Variants in HDX observed in about 807,000 individuals in gnomAD.
HDX encodes highly divergent homeobox, also known as chromosome X open reading frame 43.
HDX carries 19 observed loss-of-function variants against 45.2 expected under a neutral mutation model. The observed-to-expected ratio is 0.42, with a 90% CI of 0.29 to 0.62. HDX has a LOEUF of 0.62. Ranked by LOEUF, HDX falls within the 20% of genes least tolerant of loss-of-function variation. The pLI is 0.20. For missense variants in HDX, 532 were observed against 493.9 expected (o/e 1.08, Z -0.73); for synonymous variants, 188 against 172.8 (o/e 1.09, Z -0.69).
chrX:84,442,487 G>C (rs1463952244), intron 4 of HDX, among the ~76,000 whole-genome samples: 2 of 111,025 alleles, frequency 1.8e-5, no homozygotes, highest in African/African-American at 6.5e-5. Flanking sequence ...TTTTACTCAA[G>C]ATAAAATACT....
At position 84,427,336 on chromosome X, in the gene HDX, A is replaced by T. The variant is rs375341831; in HGVS notation, c.1305+13196T>A. Among the ~76,000 whole-genome samples the T allele has an allele frequency of 2.7e-5, 3 of 111,108 alleles. No homozygotes were observed. The East Asian group carries it at 8.5e-4, about 31-fold the overall frequency. ...GTTTAATTAACATACAATAAATTGC[A>T]TATATTTAATCTGTACAATTAGATG... On this transcript the variant is annotated intron_variant, in intron 5 of 10. Transcript: ENST00000373177.
chrX:84,351,057 T>C (rs1005201818), intron 6 of HDX, among the ~76,000 whole-genome samples: 2 of 109,806 alleles, frequency 1.8e-5, no homozygotes, highest in Non-Finnish European at 3.8e-5. Context: ...CTATCTATCA[T>C]CTATCTATCT....
chrX:84,461,047 G>T (rs2040226519), intron 4 of HDX, among the ~76,000 whole-genome samples: 1 of 111,319 alleles, frequency 9.0e-6, no homozygotes, highest in Non-Finnish European at 1.9e-5. Context: ...AGAACTGATA[G>T]TCCAAGCTCA....
In HDX at chrX:84,385,196, C is replaced by CTTTTTTT. The variant is rs146043472; in HGVS notation, c.1306-23591_1306-23585dup. On this transcript the variant is annotated intron_variant, in intron 5 of 10. Coordinates refer to ENST00000373177, the MANE Select transcript of HDX (RefSeq NM_001177479.2). ...CATATATTTGTGTCATCTCTGATTT[C>CTTTTTTT]TTTTTTTTTTTTTTTTTTTTTTTTT... Among the ~76,000 whole-genome samples the CTTTTTTT allele has an allele frequency of 6.1e-4, 18 of 29,536 alleles. 3 individuals carry two copies. The highest frequency in any genetic ancestry group is 2.1e-3 in the African/African-American group (13 of 6,284). The allele number at this position is 29,536 out of a possible 115,157, so 25.6% of individuals were successfully genotyped here.
chrX:84,374,910 A>C (rs12862724), intron 5 of HDX, among the ~76,000 whole-genome samples: 26,569 of 95,163 alleles, frequency 0.28, 4,234 homozygotes, highest in Middle Eastern at 0.5. Context: ...TAATTAAACT[A>C]AAGAGCTTCT....
intron 2 of HDX, among the ~76,000 whole-genome samples, chrX:84,484,677 C>T (rs1005411678): frequency 1.8e-5 from 2 of 111,914 alleles, no homozygotes. Flanking sequence ...TCCACATTCT[C>T]GCCAACATCT....
rs1381208595 is a variant in HDX, at chrX:84,454,950, G to C, written c.1251+13522C>G. Among the ~76,000 whole-genome samples, 5 of 110,753 alleles carry C rather than the reference G, an allele frequency of 4.5e-5. No individual in the cohort carries two copies. In the South Asian group the frequency reaches 2.0e-3, roughly 44 times the overall value. On this transcript the variant is annotated intron_variant, in intron 4 of 10. Coordinates refer to ENST00000373177, the MANE Select transcript of HDX (RefSeq NM_001177479.2). ...CTTGGTAATCCAGATGGTTCTTCTG[G>C]ATCTTATCCAAGACCACTGAGGCAG...
At chrX:84,497,012 A>G (rs1569381345) in intron 1 of HDX, among the ~76,000 whole-genome samples, 1 of 110,933 alleles carries the variant, frequency 9.0e-6, no homozygotes, top group Non-Finnish European at 1.9e-5. Flanking sequence ...TGCTGTTCTC[A>G]TGATCATGAG....
chrX:84,384,471 T>G (rs2038261286), intron 5 of HDX, among the ~76,000 whole-genome samples: 1 of 110,393 alleles, frequency 9.1e-6, no homozygotes, highest in South Asian at 3.9e-4. Flanking sequence ...ATTCTGTGGG[T>G]TGTCTGTTTA....
chrX:84,500,471 CAACA>C (rs1410848234), intron 1 of HDX, among the ~76,000 whole-genome samples: 2 of 62,227 alleles, frequency 3.2e-5, no homozygotes, highest in African/African-American at 6.0e-5. Context: ...CACACACACA[CAACA>C]ACAACAACAA....
chrX:84,344,543 T>C lies in HDX; in HGVS notation c.1453-86A>G, dbSNP rs2037157382. ...AGTAAAATAATGAATGAATGCTGCA[T>C]AAAATATGATTTAAAGGAATAAATG... On this transcript the variant is annotated intron_variant, in intron 6 of 10. Coordinates refer to ENST00000373177, the MANE Select transcript of HDX (RefSeq NM_001177479.2). The C allele has an allele frequency of 1.7e-5, 10 of 583,949 alleles. No homozygotes were observed. In the South Asian group the frequency reaches 2.5e-4, roughly 15 times the overall value. 48.1% of individuals were successfully genotyped at this position (583,949 alleles called of 1,213,427 possible).
chrX:84,461,501 C>T (rs1207029548), intron 4 of HDX, among the ~76,000 whole-genome samples: 1 of 108,649 alleles, frequency 9.2e-6, no homozygotes, highest in Non-Finnish European at 1.9e-5. Flanking sequence ...CCCCATCTCT[C>T]ACTATATAAT....
chrX:84,387,782 T>C (rs1823115629), intron 5 of HDX, among the ~76,000 whole-genome samples: 1 of 111,913 alleles, frequency 8.9e-6, no homozygotes. Context: ...TGCAACTCTG[T>C]ATCTTTTAAG....
intron 4 of HDX, among the ~76,000 whole-genome samples, chrX:84,448,685 G>A (rs150998915): frequency 0.014 from 1,543 of 109,293 alleles, 36 homozygotes; most frequent in African/African-American, 0.049. Context: ...ATTGGAAGAG[G>A]CAACTGTTAT....
chrX:84,386,124 A>G (rs2038315653), intron 5 of HDX, among the ~76,000 whole-genome samples: 2 of 111,028 alleles, frequency 1.8e-5, no homozygotes, highest in South Asian at 7.5e-4. Flanking sequence ...TATGTTTTTT[A>G]TTTTAATTCT....
At chrX:84,427,536 A>G (rs2039411256) in intron 5 of HDX, among the ~76,000 whole-genome samples, 2 of 111,202 alleles carry the variant, frequency 1.8e-5, no homozygotes, top group Admixed American at 9.5e-5. Flanking sequence ...ATAGTTTTAT[A>G]TAGATCAAGG....
At chrX:84,418,650 T>C (rs1180134431) in intron 5 of HDX, among the ~76,000 whole-genome samples, 1 of 109,560 alleles carries the variant, frequency 9.1e-6, no homozygotes, top group Admixed American at 9.7e-5. Context: ...ACAAAAAAAA[T>C]AGTAAAAAGA....
intron 2 of HDX, among the ~76,000 whole-genome samples, chrX:84,475,857 C>G (rs2040539499): frequency 9.0e-6 from 1 of 111,154 alleles, no homozygotes; most frequent in Non-Finnish European, 1.9e-5. Flanking sequence ...CAAAAGGGTG[C>G]GTTTATTTTT....
intron 5 of HDX, among the ~76,000 whole-genome samples, chrX:84,409,644 G>A (rs1205345690): frequency 5.1e-5 from 5 of 97,323 alleles, no homozygotes; most frequent in African/African-American, 7.6e-5. Context: ...AACACCGCAT[G>A]TTCTCACTCA....
Sources: gnomAD v4.1 joint callset for allele counts (sites outside exome capture counted in the v4.1 genomes callset) on GRCh38, gnomAD v4.1.1 for gene constraint, MANE v1.5 for transcripts, NCBI Gene and HGNC (gene_info 2026-07-23, HGNC 2026-07-21) for gene names.